Variants in TLCD4 observed in about 807,000 individuals in gnomAD.
TLCD4 encodes TLC domain-containing protein 4.
Under a neutral mutation model 24.2 loss-of-function variants are expected in TLCD4, and 7 were observed. That is an observed-to-expected ratio of 0.29 (90% confidence interval 0.16 to 0.54). The LOEUF is 0.54. Ranked by LOEUF, TLCD4 falls within the 20% of genes least tolerant of loss-of-function variation. The pLI, the probability that TLCD4 is intolerant of heterozygous loss-of-function variation, is 0.95. For synonymous variants in TLCD4, 103 were observed against 106.4 expected, an observed-to-expected ratio of 0.97 and a Z score of 0.20; for missense variants, 259 against 313.9, an observed-to-expected ratio of 0.82 and a Z score of 1.32.
intron 2 of TLCD4, among the ~76,000 whole-genome samples, chr1:95,146,100 C>T (rs1471317589): frequency 1.3e-5 from 2 of 151,386 alleles, no homozygotes; most frequent in Admixed American, 6.6e-5. Context: ...ACACATAATT[C>T]TTTCTAGTGA....
At chr1:95,148,589 C>A (rs555581806) in intron 2 of TLCD4, 113 bp from the exon 3 acceptor site, 5 of 1,417,708 alleles carry the variant, frequency 3.5e-6, no homozygotes, top group South Asian at 1.4e-5. Context: ...ATACTTCACA[C>A]CTGTATATAA....
At chr1:95,118,622 T>C (rs897598357) in intron 1 of TLCD4, among the ~76,000 whole-genome samples, 2 of 152,136 alleles carry the variant, frequency 1.3e-5, no homozygotes, top group East Asian at 3.9e-4. Flanking sequence ...TTGAGAAAAA[T>C]TGACCTTGGA....
chr1:95,187,128 A>C (rs1041965220), intron 6 of TLCD4, among the ~76,000 whole-genome samples: 1 of 152,212 alleles, frequency 6.6e-6, no homozygotes, highest in Non-Finnish European at 1.5e-5. Flanking sequence ...TTTTATCTTT[A>C]GAATAGTTTT....
At chr1:95,123,013 G>T (rs1267357844) in intron 1 of TLCD4, among the ~76,000 whole-genome samples, 1 of 151,108 alleles carries the variant, frequency 6.6e-6, no homozygotes, top group African/African-American at 2.4e-5. Context: ...TCACTGTGTT[G>T]CCCCAGGCTG....
intron 5 of TLCD4, among the ~76,000 whole-genome samples, chr1:95,166,898 A>T (rs1480295426): frequency 1.3e-5 from 2 of 150,792 alleles, no homozygotes; most frequent in Non-Finnish European, 3.0e-5. Context: ...CTGGCTAATT[A>T]AAAAAAAAAT....
At chr1:95,170,999 G>A (rs1198323582) in intron 5 of TLCD4, among the ~76,000 whole-genome samples, 1 of 151,798 alleles carries the variant, frequency 6.6e-6, no homozygotes, top group Non-Finnish European at 1.5e-5. Context: ...TCTTTAAAGT[G>A]GTTCTTTATG....
At position 95,158,911 on chromosome 1, in the gene TLCD4, C is replaced by T. The variant is rs573727764; in HGVS notation, c.399+7492C>T. On this transcript the variant is annotated intron_variant, in intron 5 of 6. Transcript: ENST00000370203. The stretch of plus-strand genomic sequence containing the variant: ...TTTTCTTAATCCAGTCTATCATTGA[C>T]GGACATTTGGGTTGGTTCCAAGTCT... Among the ~76,000 whole-genome samples, 88 of 152,190 alleles carry T rather than the reference C, an allele frequency of 5.8e-4. No homozygotes were observed. In the East Asian group the frequency reaches 6.4e-3, roughly 11 times the overall value.
chr1:95,098,012 C>T, the TLCD4 span, among the ~76,000 whole-genome samples: 3 of 152,086 alleles, frequency 2.0e-5, no homozygotes, highest in South Asian at 2.1e-4. Context: ...ATATTTGTAT[C>T]GTAACAACAT....
At chr1:95,109,409 A>AG in the TLCD4 span, among the ~76,000 whole-genome samples, 1 of 150,036 alleles carries the variant, frequency 6.7e-6, no homozygotes, top group Non-Finnish European at 1.5e-5. Context: ...TTCTCTCCAA[A>AG]ACCTGGTCTG....
At chr1:95,167,403 A>G (rs1678054026) in intron 5 of TLCD4, among the ~76,000 whole-genome samples, 1 of 152,182 alleles carries the variant, frequency 6.6e-6, no homozygotes, top group African/African-American at 2.4e-5. Context: ...ATTTCTGGAA[A>G]TTCTGTCAGC....
intron 5 of TLCD4, among the ~76,000 whole-genome samples, chr1:95,168,244 C>A (rs1678087197): frequency 6.6e-6 from 1 of 152,132 alleles, no homozygotes; most frequent in Admixed American, 6.5e-5. Flanking sequence ...AAGGTCAGAG[C>A]TATAACCCTG....
chr1:95,093,864 A>T, the TLCD4 span, among the ~76,000 whole-genome samples: 1 of 152,146 alleles, frequency 6.6e-6, no homozygotes, highest in Non-Finnish European at 1.5e-5. Context: ...TTAACCACAT[A>T]TCTCTTCTGT....
chr1:95,175,766 TTTTTC>T (rs577001992), intron 6 of TLCD4, among the ~76,000 whole-genome samples: 87 of 152,076 alleles, frequency 5.7e-4, no homozygotes, highest in African/African-American at 1.8e-3. Context: ...TTTCTTTTTC[TTTTTC>T]TTTTCTTTTC....
the TLCD4 span, among the ~76,000 whole-genome samples, chr1:95,093,162 AT>A: frequency 5.3e-3 from 801 of 152,296 alleles, 7 homozygotes; most frequent in African/African-American, 0.018. Flanking sequence ...ATCCACTTCA[AT>A]TTTTAACCTG....
chr1:95,124,789 G>A (rs1331429494), intron 1 of TLCD4, among the ~76,000 whole-genome samples: 6 of 152,188 alleles, frequency 3.9e-5, no homozygotes, highest in Non-Finnish European at 8.8e-5. Flanking sequence ...TCAGAAATGA[G>A]GAAGTTTTAG....
At chr1:95,161,653 C>G (rs996265604) in intron 5 of TLCD4, among the ~76,000 whole-genome samples, 1 of 152,152 alleles carries the variant, frequency 6.6e-6, no homozygotes, top group Non-Finnish European at 1.5e-5. Context: ...CAATAAATTT[C>G]CCTCTACACC....
In TLCD4 at chr1:95,143,900, A is replaced by C. The variant is rs200870597; in HGVS notation, c.-2A>C. 1 of 1,416,964 alleles carries C rather than the reference A, an allele frequency of 7.1e-7. No homozygotes were observed. The highest frequency in any genetic ancestry group is 2.6e-5 in the Admixed American group (1 of 38,340). 87.8% of individuals were successfully genotyped at this position (1,416,964 alleles called of 1,614,324 possible). The stretch of plus-strand genomic sequence containing the variant: ...TCATTTATCTTAACAGGTTGAAGAA[A>C]TATGGAGATCAACACAAAACTGCTC... On this transcript the variant is annotated 5_prime_UTR_variant, in exon 2 of 7. Coordinates refer to ENST00000370203, the MANE Select transcript of TLCD4 (RefSeq NM_152487.3).
intron 5 of TLCD4, among the ~76,000 whole-genome samples, chr1:95,155,627 G>A (rs1677610256): frequency 6.6e-6 from 1 of 152,024 alleles, no homozygotes; most frequent in Non-Finnish European, 1.5e-5. Context: ...TGTCACATGT[G>A]ATGCTATCTG....
chr1:95,125,484 A>G (rs937785624), intron 1 of TLCD4: 1 of 152,234 alleles, frequency 6.6e-6, no homozygotes, highest in African/African-American at 2.4e-5. Flanking sequence ...ACCACTGTCA[A>G]AGTAGCTCGA....
Sources: allele counts gnomAD v4.1 joint callset (sites outside exome capture counted in the v4.1 genomes callset), GRCh38; gene constraint gnomAD v4.1.1; transcripts MANE v1.5; gene names NCBI Gene and HGNC (gene_info 2026-07-23, HGNC 2026-07-21).